The following CPA6 variants were observed in gnomAD, a reference collection of about 807,000 sequenced individuals.
The protein encoded by CPA6 is carboxypeptidase A6.
Under a neutral mutation model 63.3 loss-of-function variants are expected in CPA6, and 58 were observed. The observed-to-expected ratio is 0.92, with a 90% CI of 0.74 to 1.14. CPA6 has a LOEUF of 1.14. Ranked by LOEUF, CPA6 falls within the 50% of genes most tolerant of loss-of-function variation. CPA6 has a pLI of 0.00. For synonymous variants in CPA6, 185 were observed against 179.0 expected, an observed-to-expected ratio of 1.03 and a Z score of -0.27; for missense variants, 565 against 526.6, an observed-to-expected ratio of 1.07 and a Z score of -0.71.
rs763219501 is a variant in CPA6 at position 67,673,643 on chromosome 8, C to T, written c.117-49392G>A. Among the ~76,000 whole-genome samples the T allele has an allele frequency of 6.6e-5, 10 of 151,798 alleles. No homozygotes were observed. The East Asian group carries it at 1.2e-3, about 18-fold the overall frequency. On this transcript the variant is annotated intron_variant, in intron 1 of 10. Coordinates refer to ENST00000297770, the MANE Select transcript of CPA6 (RefSeq NM_020361.5). ...TCCTGACCTCATGATCCACCCACCTCGGCCTCCCAAAGTGCTGGGATTACA... is the reference window on the plus strand; with the variant it reads ...TCCTGACCTCATGATCCACCCACCTTGGCCTCCCAAAGTGCTGGGATTACA...
At chr8:67,693,533 T>C (rs924530052) in intron 1 of CPA6, among the ~76,000 whole-genome samples, 14 of 152,238 alleles carry the variant, frequency 9.2e-5, no homozygotes, top group African/African-American at 3.4e-4. Flanking sequence ...AACTCCCATG[T>C]GATGGTATTA....
intron 3 of CPA6, among the ~76,000 whole-genome samples, chr8:67,514,563 A>G (rs560464760): frequency 2.6e-5 from 4 of 152,248 alleles, no homozygotes; most frequent in Non-Finnish European, 4.4e-5. Context: ...GACCAATGAA[A>G]TGAATAATTC....
At chr8:67,546,203 A>G (rs1223011802) in intron 2 of CPA6, among the ~76,000 whole-genome samples, 1 of 152,234 alleles carries the variant, frequency 6.6e-6, no homozygotes, top group Non-Finnish European at 1.5e-5. Context: ...GATTACAAAA[A>G]TATAAACGGG....
chr8:67,470,743 A>G (rs1168437991), intron 8 of CPA6, among the ~76,000 whole-genome samples: 1 of 152,156 alleles, frequency 6.6e-6, no homozygotes, highest in Non-Finnish European at 1.5e-5. Flanking sequence ...GGTACCTTTT[A>G]AAATAACAAT....
intron 1 of CPA6, among the ~76,000 whole-genome samples, chr8:67,706,366 T>G (rs1447957218): frequency 6.6e-6 from 1 of 152,180 alleles, no homozygotes; most frequent in Non-Finnish European, 1.5e-5. Context: ...ACCAGGTTTT[T>G]CACCAAAAGT....
chr8:67,600,518 C>T (rs571002233), intron 2 of CPA6, among the ~76,000 whole-genome samples: 144 of 152,086 alleles, frequency 9.5e-4, no homozygotes, highest in Admixed American at 1.2e-3. Context: ...TAAGTGTTCT[C>T]ACTACAAAAA....
intron 2 of CPA6, among the ~76,000 whole-genome samples, chr8:67,526,572 CT>C (rs1812369585): frequency 6.6e-6 from 1 of 152,056 alleles, no homozygotes; most frequent in Non-Finnish European, 1.5e-5. Context: ...CTGGCTCTTC[CT>C]TTTTTCAGGG....
chr8:67,487,580 C>G lies in CPA6; in HGVS notation c.637-2791G>C, dbSNP rs576396528. ...TTGGTTATATACCCAGTAATGGGAC[C>G]ACTGGGTCAAATGGTATTTCTAGTT... On this transcript the variant is annotated intron_variant, in intron 6 of 10. Transcript: ENST00000297770. Among the ~76,000 whole-genome samples the G allele has an allele frequency of 3.4e-3, 517 of 152,226 alleles. 4 individuals carry two copies. Among genetic ancestry groups the G allele is most frequent in the African/African-American group, 0.012 (487 of 41,532 alleles).
intron 8 of CPA6, among the ~76,000 whole-genome samples, chr8:67,453,399 A>G (rs995992065): frequency 5.9e-5 from 9 of 152,138 alleles, no homozygotes; most frequent in Non-Finnish European, 1.0e-4. Context: ...GAGAATGGCT[A>G]TAGGAAGAGC....
chr8:67,489,111 T>C (rs186389538), intron 6 of CPA6, among the ~76,000 whole-genome samples: 1 of 149,118 alleles, frequency 6.7e-6, no homozygotes, highest in Non-Finnish European at 1.5e-5. Flanking sequence ...GTTTTTTTTC[T>C]TTTTTTCTTT....
At chr8:67,462,912 C>T (rs990777105) in intron 8 of CPA6, among the ~76,000 whole-genome samples, 17 of 152,156 alleles carry the variant, frequency 1.1e-4, no homozygotes, top group Admixed American at 1.0e-3. Flanking sequence ...AGAATGACTC[C>T]TGTGGCTCTA....
At chr8:67,641,755 A>G (rs1815596188) in intron 1 of CPA6, among the ~76,000 whole-genome samples, 1 of 152,198 alleles carries the variant, frequency 6.6e-6, no homozygotes, top group South Asian at 2.1e-4. Context: ...AAACTAGTGG[A>G]ACTGGAAAGA....
intron 1 of CPA6, among the ~76,000 whole-genome samples, chr8:67,634,172 T>C (rs1366527763): frequency 7.2e-6 from 1 of 137,942 alleles, no homozygotes; most frequent in African/African-American, 2.8e-5. Flanking sequence ...TCCAAGTCAC[T>C]GGATTTAATT....
Position 67,434,042 on chromosome 8 carries a change from C to T in CPA6, c.1037G>A (p.Cys346Tyr), listed in dbSNP as rs775212726. The change falls in exon 9 of 11, where the codon TGT becomes TAT. Residue 346 changes from cysteine (C) to tyrosine (Y), a missense_variant. Physicochemically the swap from Cys to Tyr is radical, Grantham distance 194. Transcript: ENST00000297770. Reference sequence around the variant, plus strand: ...TGCACAGGGTCAAATACTTACCACACATCTAAAATTGGGAATTGTTGCATA... The same window carrying T: ...TGCACAGGGTCAAATACTTACCACATATCTAAAATTGGGAATTGTTGCATA... ...YKYATIPNFR[C>Y]VESAAYKAVN... is the part of the protein sequence containing the mutation. 1.6e-5 allele frequency: 25 copies of T among 1,608,108 alleles called. No individual in the cohort carries two copies. The South Asian group carries it at 2.1e-4, about 13-fold the overall frequency.
chr8:67,453,380 A>C (rs1193840400), intron 8 of CPA6, among the ~76,000 whole-genome samples: 2 of 152,234 alleles, frequency 1.3e-5, no homozygotes, highest in Non-Finnish European at 2.9e-5. Context: ...AGTTGCCATC[A>C]ACTGAGCTGA....
At position 67,683,285 on chromosome 8, in the gene CPA6, A is replaced by G. The variant is rs555886392; in HGVS notation, c.117-59034T>C. On this transcript the variant is annotated intron_variant, in intron 1 of 10. Coordinates refer to ENST00000297770, the MANE Select transcript of CPA6 (RefSeq NM_020361.5). ...ATCTTGGTCAGAAGCAGAAGTTGCC[A>G]TAACTGTTTAAGCCTTTTATGTCAA... 2.8e-4 allele frequency among the ~76,000 whole-genome samples: 42 copies of G among 152,366 alleles called. No individual in the cohort carries two copies. In the South Asian group the frequency reaches 4.6e-3, roughly 17 times the overall value.
intron 2 of CPA6, among the ~76,000 whole-genome samples, chr8:67,572,965 G>A (rs563265273): frequency 5.3e-5 from 8 of 152,266 alleles, no homozygotes; most frequent in Non-Finnish European, 1.2e-4. Context: ...TGCAAGGATG[G>A]TTCAACATTC....
At chr8:67,507,960 A>G (rs1005086845) in intron 5 of CPA6, among the ~76,000 whole-genome samples, 1 of 151,542 alleles carries the variant, frequency 6.6e-6, no homozygotes, top group East Asian at 1.9e-4. Flanking sequence ...GATACTAAAT[A>G]AAAGAGATGA....
At chr8:67,511,698 A>G (rs1206282317) in intron 3 of CPA6, 43 bp from the exon 4 acceptor site, 2 of 1,182,902 alleles carry the variant, frequency 1.7e-6, no homozygotes, top group South Asian at 2.4e-5. Flanking sequence ...AAATTGAGAT[A>G]TTGCAAAAAT....
Sources: allele counts gnomAD v4.1 joint callset (sites outside exome capture counted in the v4.1 genomes callset), GRCh38; gene constraint gnomAD v4.1.1; transcripts MANE v1.5; gene names NCBI Gene and HGNC (gene_info 2026-07-23, HGNC 2026-07-21).